Variants in LINGO2 observed in about 807,000 individuals in gnomAD.
The protein encoded by LINGO2 is leucine rich repeat and Ig domain containing 2, also known as leucine-rich repeat and immunoglobulin-like domain-containing nogo receptor-interacting protein 2.
Under a neutral mutation model 30.6 loss-of-function variants are expected in LINGO2, and 14 were observed. That is an observed-to-expected ratio of 0.46 (90% confidence interval 0.30 to 0.72). LINGO2 has a LOEUF of 0.72. Among genes scored for constraint, LINGO2 ranks in the 30% least tolerant of loss-of-function variants. The pLI, the probability that LINGO2 is intolerant of heterozygous loss-of-function variation, is 0.07. For synonymous variants in LINGO2, 317 were observed against 288.5 expected, an observed-to-expected ratio of 1.10 and a Z score of -1.00; for missense variants, 729 against 751.7, an observed-to-expected ratio of 0.97 and a Z score of 0.35.
At chr9:28,671,339 GACCTAAATAA>G (rs1281006138), upstream of LINGO2, among the ~76,000 whole-genome samples, 1 of 151,758 alleles carries the variant, frequency 6.6e-6, no homozygotes, top group Admixed American at 6.6e-5. Context: ...TAATAGCAAA[GACCTAAATAA>G]ACCTAAATAA....
At chr9:28,360,102 A>G (rs1820382317) in intron 3 of LINGO2, among the ~76,000 whole-genome samples, 1 of 152,228 alleles carries the variant, frequency 6.6e-6, no homozygotes, top group African/African-American at 2.4e-5. Context: ...AGTACTTAGT[A>G]CAATTCTTAG....
At chr9:28,145,904 C>A (rs1827799936) in intron 4 of LINGO2, among the ~76,000 whole-genome samples, 2 of 152,186 alleles carry the variant, frequency 1.3e-5, no homozygotes, top group African/African-American at 4.8e-5. Flanking sequence ...AAGACCGCTT[C>A]TCTTCCCCAG....
intron 4 of LINGO2, among the ~76,000 whole-genome samples, chr9:28,079,151 G>T (rs1026351971): frequency 7.4e-6 from 1 of 135,280 alleles, no homozygotes; most frequent in African/African-American, 3.9e-5. Context: ...AGGCTTTAAA[G>T]CAGGATCAGG....
rs1323126579 is a variant in LINGO2, at chr9:28,147,137, T to C, written c.-86-134732A>G. ...CAACTTGTATGTTGAAGTGAAGACC[T>C]CCTTCGAGGTGTTCATGTGCTTATT... is the stretch of plus-strand genomic sequence containing the variant. On this transcript the variant is annotated intron_variant, in intron 4 of 5. Coordinates refer to ENST00000379992, the Ensembl canonical transcript of LINGO2. The surrounding 1 kb of genome is among the most constrained non-coding windows in gnomAD (Gnocchi z 4.7). 6.6e-6 allele frequency among the ~76,000 whole-genome samples: 1 copy of C among 152,176 alleles called. No homozygotes were observed. Among genetic ancestry groups the C allele is most frequent in the Non-Finnish European group, 1.5e-5 (1 of 68,026 alleles).
intron 4 of LINGO2, among the ~76,000 whole-genome samples, chr9:28,105,396 G>C (rs568095121): frequency 6.6e-6 from 1 of 152,270 alleles, no homozygotes; most frequent in South Asian, 2.1e-4. Context: ...AACAATAGTG[G>C]TCTAATGGAG....
chr9:28,179,107 T>A (rs1025518817), intron 4 of LINGO2, among the ~76,000 whole-genome samples: 9 of 151,814 alleles, frequency 5.9e-5, no homozygotes, highest in Non-Finnish European at 1.3e-4. Flanking sequence ...GGAATTGGCA[T>A]CTGCTAGTTC....
the LINGO2 span, among the ~76,000 whole-genome samples, chr9:28,927,230 G>A: frequency 6.6e-6 from 1 of 152,094 alleles, no homozygotes; most frequent in Admixed American, 6.6e-5. Context: ...GAGCAGGTGG[G>A]GGCACTTAAG....
chr9:28,298,981 T>C (rs1339464838), intron 3 of LINGO2, among the ~76,000 whole-genome samples: 1 of 152,236 alleles, frequency 6.6e-6, no homozygotes, highest in African/African-American at 2.4e-5. Context: ...TTGTCTTTCC[T>C]TATGCACAAC....
the LINGO2 span, among the ~76,000 whole-genome samples, chr9:28,722,023 C>A: frequency 1.3e-5 from 2 of 151,664 alleles, 1 homozygote; most frequent in African/African-American, 4.8e-5. Context: ...AACCAAACAG[C>A]CCAAACATGT....
chr9:29,189,549 C>T, the LINGO2 span, among the ~76,000 whole-genome samples: 7 of 151,070 alleles, frequency 4.6e-5, no homozygotes, highest in African/African-American at 1.5e-4. Flanking sequence ...CAGGCAGAGA[C>T]GCTCCTCACT....
At chr9:27,948,891 T>A in exon 6 of LINGO2, 1 of 1,613,338 alleles carries the variant, frequency 6.2e-7, no homozygotes, top group Non-Finnish European at 8.5e-7. Flanking sequence ...TCCAGCTACC[T>A]CCCCTTCCAC....
intron 4 of LINGO2, among the ~76,000 whole-genome samples, chr9:28,282,899 G>A (rs1162572278): frequency 6.6e-6 from 1 of 152,112 alleles, no homozygotes; most frequent in East Asian, 1.9e-4. Flanking sequence ...TGTACTGTAA[G>A]TCCCAGTAAC....
At chr9:28,324,896 T>A (rs1825172198) in intron 3 of LINGO2, among the ~76,000 whole-genome samples, 1 of 152,134 alleles carries the variant, frequency 6.6e-6, no homozygotes, top group Admixed American at 6.5e-5. Flanking sequence ...TTGATTTGCC[T>A]CAAATTCTTT....
chr9:28,819,046 T>C, the LINGO2 span, among the ~76,000 whole-genome samples: 1 of 152,146 alleles, frequency 6.6e-6, no homozygotes, highest in African/African-American at 2.4e-5. Context: ...AGATGATAGA[T>C]CCATCTTTAG....
At chr9:28,258,139 T>G (rs556105128) in intron 4 of LINGO2, among the ~76,000 whole-genome samples, 13 of 152,110 alleles carry the variant, frequency 8.5e-5, no homozygotes, top group African/African-American at 2.9e-4. Flanking sequence ...GCTTATTTTT[T>G]CTTAGATGAC....
At chr9:27,946,744 C>T (rs10968219), downstream of LINGO2, among the ~76,000 whole-genome samples, 38,213 of 151,892 alleles carry the variant, frequency 0.25, 5,832 homozygotes, top group Middle Eastern at 0.44. Context: ...AGGTATTTGG[C>T]ACAAATGGAA....
chr9:28,463,473 T>C (rs1470467114), intron 2 of LINGO2, among the ~76,000 whole-genome samples: 2 of 152,028 alleles, frequency 1.3e-5, no homozygotes, highest in Admixed American at 6.5e-5. Context: ...ATAGTCTGGA[T>C]TATAGGTATA....
rs546228721 is a variant in LINGO2 at position 28,218,818 on chromosome 9, A to G, written c.-87+76390T>C. Among the ~76,000 whole-genome samples the G allele has an allele frequency of 5.9e-5, 9 of 152,228 alleles. No individual in the cohort carries two copies. The South Asian group carries it at 1.5e-3, about 25-fold the overall frequency. The stretch of plus-strand genomic sequence containing the variant: ...GACCCTGATATGCTAATGTTTCACT[A>G]TTCCCTGCCTGGAATTTAAAGTTCT... On this transcript the variant is annotated intron_variant, in intron 4 of 5. Coordinates refer to ENST00000379992, the Ensembl canonical transcript of LINGO2.
intron 2 of LINGO2, among the ~76,000 whole-genome samples, chr9:28,443,235 T>A (rs1564202399): frequency 6.6e-6 from 1 of 152,218 alleles, no homozygotes; most frequent in Non-Finnish European, 1.5e-5. Flanking sequence ...ATAACAATAA[T>A]AAAAGCTAAC....
Sources: allele counts gnomAD v4.1 joint callset (sites outside exome capture counted in the v4.1 genomes callset), GRCh38; gene constraint gnomAD v4.1.1; non-coding constraint Gnocchi (gnomAD v3.1); transcripts MANE v1.5; gene names NCBI Gene and HGNC (gene_info 2026-07-23, HGNC 2026-07-21).